The following ADGRL2 variants were observed in gnomAD, a reference collection of about 807,000 sequenced individuals.
The protein encoded by ADGRL2 is calcium-independent alpha-latrotoxin receptor 2.
ADGRL2 carries 44 observed loss-of-function variants against 157.4 expected under a neutral mutation model. The observed-to-expected ratio is 0.28, with a 90% CI of 0.22 to 0.36. The LOEUF (loss-of-function observed/expected upper bound fraction) is 0.36, where lower values mean the gene tolerates loss of function less well. Ranked by LOEUF, ADGRL2 falls within the 10% of genes least tolerant of loss-of-function variation. ADGRL2 has a pLI of 1.00. For missense variants in ADGRL2, 1,510 were observed against 1,768.9 expected, an observed-to-expected ratio of 0.85 and a Z score of 2.63; for synonymous variants, 585 against 624.7, an observed-to-expected ratio of 0.94 and a Z score of 0.95.
intron 2 of ADGRL2, among the ~76,000 whole-genome samples, chr1:81,555,138 TC>T (rs2080241840): frequency 6.6e-6 from 1 of 151,798 alleles, no homozygotes; most frequent in East Asian, 1.9e-4. Flanking sequence ...GTACTGCCAG[TC>T]AGAAGATAGT....
At chr1:81,935,024 C>G (rs1203608360) in intron 3 of ADGRL2, among the ~76,000 whole-genome samples, 1 of 151,976 alleles carries the variant, frequency 6.6e-6, no homozygotes, top group Non-Finnish European at 1.5e-5. Context: ...AAAAATGAAA[C>G]ATCAGAATTA....
intron 16 of ADGRL2, 51 bp from the exon 17 acceptor site, chr1:81,971,801 G>A (rs763251599): frequency 2.1e-6 from 2 of 951,820 alleles, no homozygotes; most frequent in Admixed American, 3.9e-5. Context: ...TCCTTGTGAT[G>A]TTGAGGTTCC....
chr1:81,755,376 TTATTA>T (rs1378552160), intron 1 of ADGRL2, among the ~76,000 whole-genome samples: 2 of 151,774 alleles, frequency 1.3e-5, no homozygotes, highest in Admixed American at 1.3e-4. Context: ...ATCATTATCA[TTATTA>T]TATATGTGAG....
At chr1:81,370,238 A>G (rs1306931878) in intron 1 of ADGRL2, among the ~76,000 whole-genome samples, 1 of 152,200 alleles carries the variant, frequency 6.6e-6, no homozygotes, top group Non-Finnish European at 1.5e-5. Context: ...TTTTTTATAG[A>G]ATACAACTGG....
intron 1 of ADGRL2, among the ~76,000 whole-genome samples, chr1:81,384,356 GGT>G (rs1451786291): frequency 6.6e-6 from 1 of 152,058 alleles, no homozygotes; most frequent in Non-Finnish European, 1.5e-5. Flanking sequence ...TGCATTTGTG[GGT>G]GTGTGTGCAC....
chr1:81,892,781 G>T (rs1411519182), intron 2 of ADGRL2, among the ~76,000 whole-genome samples: 1 of 152,042 alleles, frequency 6.6e-6, no homozygotes, highest in African/African-American at 2.4e-5. Context: ...ACATTTTTAT[G>T]TGTCATGAAA....
chr1:81,708,128 A>C (rs1057020473), intron 1 of ADGRL2, among the ~76,000 whole-genome samples: 1 of 152,192 alleles, frequency 6.6e-6, no homozygotes, highest in African/African-American at 2.4e-5. Flanking sequence ...ACATATACAC[A>C]AACACATGCA....
chr1:81,931,005 C>T (rs962818080), intron 3 of ADGRL2, among the ~76,000 whole-genome samples: 3 of 152,108 alleles, frequency 2.0e-5, no homozygotes, highest in African/African-American at 4.8e-5. Context: ...AAAAATTAGC[C>T]AGGCGGCGTG....
intron 2 of ADGRL2, among the ~76,000 whole-genome samples, chr1:81,902,124 A>G (rs1277135666): frequency 1.3e-5 from 2 of 152,132 alleles, no homozygotes; most frequent in Non-Finnish European, 2.9e-5. Flanking sequence ...AGATTCAAAG[A>G]TTTCCCGATT....
At chr1:81,523,726 C>A (rs1254080929) in intron 2 of ADGRL2, among the ~76,000 whole-genome samples, 1 of 152,148 alleles carries the variant, frequency 6.6e-6, no homozygotes. Context: ...ATCTCTTCCA[C>A]TTCCATAGAA....
chr1:81,660,556 T>G (rs1003679714), intron 3 of ADGRL2, among the ~76,000 whole-genome samples: 2 of 152,188 alleles, frequency 1.3e-5, no homozygotes, highest in African/African-American at 4.8e-5. Flanking sequence ...CAGTTCTCCC[T>G]GTGACACAGT....
intron 1 of ADGRL2, among the ~76,000 whole-genome samples, chr1:81,330,577 T>G (rs1286508697): frequency 6.6e-6 from 1 of 152,170 alleles, no homozygotes; most frequent in Non-Finnish European, 1.5e-5. Flanking sequence ...CAGGAATTAT[T>G]CTTTTAAACT....
chr1:81,322,282 C>T lies in ADGRL2; in HGVS notation c.-302+15773C>T, dbSNP rs896633211. On this transcript the variant is annotated intron_variant, in intron 1 of 24. Transcript: ENST00000370721. ...TGAAATACAAATTTCTGCCTTTGGCCCTTGCTTTTTGTACATTGAATGTGA... is the reference window on the plus strand; with the variant it reads ...TGAAATACAAATTTCTGCCTTTGGCTCTTGCTTTTTGTACATTGAATGTGA... Among the ~76,000 whole-genome samples, 3 of 151,222 alleles carry T rather than the reference C, an allele frequency of 2.0e-5. No individual in the cohort carries two copies. In the East Asian group the frequency reaches 5.9e-4, roughly 30 times the overall value.
chr1:81,460,891 T>C (rs1368643110), intron 2 of ADGRL2, among the ~76,000 whole-genome samples: 1 of 152,218 alleles, frequency 6.6e-6, no homozygotes, highest in African/African-American at 2.4e-5. Flanking sequence ...TCATCTATCT[T>C]GCATGTCTCT....
At chr1:81,861,892 A>AG (rs1414961028) in intron 2 of ADGRL2, among the ~76,000 whole-genome samples, 53 of 150,742 alleles carry the variant, frequency 3.5e-4, no homozygotes, top group African/African-American at 1.0e-3. Context: ...CAAAAGAAGA[A>AG]AAAAAAAAAG....
chr1:81,510,437 T>C (rs532127683), intron 2 of ADGRL2, among the ~76,000 whole-genome samples: 1 of 152,270 alleles, frequency 6.6e-6, no homozygotes, highest in African/African-American at 2.4e-5. Flanking sequence ...ACCAGAAGTG[T>C]TAACCTGACA....
At chr1:81,721,415 A>T (rs1158944920) in intron 1 of ADGRL2, among the ~76,000 whole-genome samples, 7 of 152,112 alleles carry the variant, frequency 4.6e-5, no homozygotes, top group Admixed American at 4.6e-4. Context: ...AACCGACCCA[A>T]ATTGATCTTG....
chr1:81,546,871 T>C (rs2080029927), intron 2 of ADGRL2, among the ~76,000 whole-genome samples: 1 of 152,170 alleles, frequency 6.6e-6, no homozygotes, highest in Middle Eastern at 3.2e-3. Flanking sequence ...GGTGGTCATC[T>C]CAGGAGGGAC....
At chr1:81,417,643 T>C (rs1033734540) in intron 1 of ADGRL2, among the ~76,000 whole-genome samples, 2 of 152,236 alleles carry the variant, frequency 1.3e-5, no homozygotes, top group Admixed American at 1.3e-4. Flanking sequence ...TAGGCTCTAC[T>C]TGTTGTATTA....
Sources: gnomAD v4.1 joint callset for allele counts (sites outside exome capture counted in the v4.1 genomes callset) on GRCh38, gnomAD v4.1.1 for gene constraint, MANE v1.5 for transcripts, NCBI Gene and HGNC (gene_info 2026-07-23, HGNC 2026-07-21) for gene names.